WDR37: variants seen among roughly 807,000 people sequenced by gnomAD.
WDR37 encodes the protein WD repeat-containing protein 37.
A neutral mutation model predicts 62.9 loss-of-function variants in WDR37; 19 were observed. That is an observed-to-expected ratio of 0.30 (90% confidence interval 0.21 to 0.44). The LOEUF (loss-of-function observed/expected upper bound fraction) is 0.44, where lower values mean the gene tolerates loss of function less well. WDR37 is among the 20% of genes least tolerant of loss of function. The pLI, the probability that WDR37 is intolerant of heterozygous loss-of-function variation, is 1.00. For missense variants in WDR37, 474 were observed against 657.6 expected (o/e 0.72, Z 3.05); for synonymous variants, 250 against 260.9 (o/e 0.96, Z 0.40).
In WDR37 at chr10:1,064,248, A is replaced by G. The variant is rs142555833; in HGVS notation, c.-41+7280A>G. ...AAGATAGAACAATAGAAGTTACCCA[A>G]TCTGAACAGCAGAGAGAAAATAGAC... On this transcript the variant is annotated intron_variant, in intron 1 of 13. Transcript: ENST00000263150. Among the ~76,000 whole-genome samples the G allele has an allele frequency of 2.6e-3, 403 of 152,318 alleles. 5 individuals carry two copies. The highest frequency in any genetic ancestry group is 9.3e-3 in the African/African-American group (388 of 41,562).
At chr10:1,078,054 C>A in intron 3 of WDR37, 51 bp downstream of exon 3, 1 of 1,374,476 alleles carries the variant, frequency 7.3e-7, no homozygotes, top group South Asian at 1.3e-5. Context: ...TATCCATAGT[C>A]AAATTTATGA....
At position 1,106,258 on chromosome 10, in the gene WDR37, C is replaced by T. The variant is rs564086104; in HGVS notation, c.1103+991C>T. Among the ~76,000 whole-genome samples, 100 of 152,258 alleles carry T rather than the reference C, an allele frequency of 6.6e-4. 1 individual carries two copies. The highest frequency in any genetic ancestry group is 6.4e-3 in the Admixed American group (98 of 15,296). On this transcript the variant is annotated intron_variant, in intron 11 of 13. Transcript: ENST00000263150. The stretch of plus-strand genomic sequence containing the variant: ...TTCCCCGTTCCCCCATCATGCCCCA[C>T]TGTGGTCCACTGGCAAGTCTCCTGC...
rs1417710032 is a variant in WDR37, at chr10:1,130,518, G to T, written c.*1174G>T. ...ACTGCTGAGTGAGCCTGGTGTTCTT[G>T]CCTTCTTGGAAATTACTGCTCACCT... On this transcript the variant is annotated 3_prime_UTR_variant, in exon 14 of 14. Transcript: ENST00000263150. 3 of 152,658 alleles carry T rather than the reference G, an allele frequency of 2.0e-5. No homozygotes were observed. The highest frequency in any genetic ancestry group is 4.8e-5 in the African/African-American group (2 of 41,574). 9.5% of individuals were successfully genotyped at this position (152,658 alleles called of 1,614,324 possible). A position where few individuals can be genotyped will look rare whatever the true frequency, so the allele number is the denominator to read the frequency against.
At chr10:1,108,978 G>A (rs1377734329) in intron 11 of WDR37, among the ~76,000 whole-genome samples, 1 of 152,218 alleles carries the variant, frequency 6.6e-6, no homozygotes, top group African/African-American at 2.4e-5. Context: ...AGTGTGCCCT[G>A]CTGTGCCTGT....
intron 11 of WDR37, among the ~76,000 whole-genome samples, chr10:1,122,766 A>C (rs1323126155): frequency 6.6e-6 from 1 of 152,188 alleles, no homozygotes; most frequent in East Asian, 1.9e-4. Context: ...TCCTTTGATC[A>C]CTGGTTAAGG....
rs533887447 is a variant in WDR37, at chr10:1,068,998, T to G, written c.-40-3118T>G. ...GAAATGGCCAGAACAGGCAGATTCA[T>G]ATGGAGAGAAAGTAAATTAGTGGTT... On this transcript the variant is annotated intron_variant, in intron 1 of 13. Transcript: ENST00000263150. Among the ~76,000 whole-genome samples, 6 of 152,208 alleles carry G rather than the reference T, an allele frequency of 3.9e-5. No individual in the cohort carries two copies. In the South Asian group the frequency reaches 1.0e-3, roughly 26 times the overall value.
chr10:1,078,006 G>A lies in WDR37; in HGVS notation c.235+3G>A. On this transcript the variant is annotated splice_donor_region_variant and intron_variant, in intron 3 of 13. Transcript: ENST00000263150. ...CCTTTATATCGAAAACTTAGAATGT[G>A]AGTATCTCCTATTTTAATATACTTT... is the stretch of plus-strand genomic sequence containing the variant. The A allele has an allele frequency of 6.3e-7, 1 of 1,587,932 alleles. No homozygotes were observed. Among genetic ancestry groups the A allele is most frequent in the Non-Finnish European group, 8.6e-7 (1 of 1,161,024 alleles).
chr10:1,110,577 G>C (rs1018365109), intron 11 of WDR37, among the ~76,000 whole-genome samples: 1 of 152,212 alleles, frequency 6.6e-6, no homozygotes, highest in African/African-American at 2.4e-5. Flanking sequence ...GTGCGTCCGC[G>C]CCCCAGCACA....
chr10:1,066,329 G>T (rs915149912), intron 1 of WDR37, among the ~76,000 whole-genome samples: 1 of 152,292 alleles, frequency 6.6e-6, no homozygotes, highest in Non-Finnish European at 1.5e-5. Flanking sequence ...TGTTAGCTAG[G>T]ATGGTCTCGA....
intron 11 of WDR37, among the ~76,000 whole-genome samples, chr10:1,118,462 GT>G (rs1344060466): frequency 1.4e-4 from 21 of 145,494 alleles, no homozygotes; most frequent in Non-Finnish European, 6.0e-5. Context: ...AGCCAGCTCT[GT>G]TTGAAGTCCC....
intron 7 of WDR37, among the ~76,000 whole-genome samples, chr10:1,089,558 A>G (rs1834312727): frequency 6.6e-6 from 1 of 151,800 alleles, no homozygotes; most frequent in Admixed American, 6.6e-5. Flanking sequence ...TGTGTTTTTT[A>G]TTGGCTTTCC....
rs1834062514 is a variant in WDR37 at position 1,082,564 on chromosome 10, G to C, written c.397-1839G>C. On this transcript the variant is annotated intron_variant, in intron 5 of 13. Coordinates refer to ENST00000263150, the MANE Select transcript of WDR37 (RefSeq NM_014023.4). Reference sequence around the variant, plus strand: ...GGATGATGGGCGTGAGCGTCAGTTTGCGGCTTTGTTCTGCTGCTTTTCTGT... The same window carrying C: ...GGATGATGGGCGTGAGCGTCAGTTTCCGGCTTTGTTCTGCTGCTTTTCTGT... 2.6e-5 allele frequency among the ~76,000 whole-genome samples: 4 copies of C among 152,230 alleles called. No homozygotes were observed. In the South Asian group the frequency reaches 8.3e-4, roughly 31 times the overall value.
intron 13 of WDR37, among the ~76,000 whole-genome samples, chr10:1,126,730 C>T (rs1835796525): frequency 6.6e-6 from 1 of 152,186 alleles, no homozygotes; most frequent in South Asian, 2.1e-4. Flanking sequence ...GTCAGGGAGG[C>T]ACGTGCGAAA....
At chr10:1,113,434 A>G (rs768678409) in intron 11 of WDR37, among the ~76,000 whole-genome samples, 4 of 152,216 alleles carry the variant, frequency 2.6e-5, no homozygotes, top group Admixed American at 6.5e-5. Flanking sequence ...TCAAGGAGTC[A>G]TTTTGACTTT....
intron 9 of WDR37, among the ~76,000 whole-genome samples, chr10:1,101,396 C>T (rs796265017): frequency 2.0e-4 from 30 of 152,290 alleles, no homozygotes; most frequent in African/African-American, 6.7e-4. Context: ...GTGTCTGTGT[C>T]CTCATCTCTT....
chr10:1,095,270 C>T (rs1834537360), intron 8 of WDR37, among the ~76,000 whole-genome samples: 1 of 143,346 alleles, frequency 7.0e-6, no homozygotes, highest in Non-Finnish European at 1.5e-5. Flanking sequence ...GAGAGTTAGA[C>T]TTGGAAACTG....
intron 1 of WDR37, among the ~76,000 whole-genome samples, chr10:1,061,787 C>T (rs1259769241): frequency 1.3e-5 from 2 of 149,984 alleles, no homozygotes; most frequent in East Asian, 2.0e-4. Context: ...TGCAGTGAAC[C>T]GAGGTTAACA....
chr10:1,106,150 G>A (rs754296717), intron 11 of WDR37, among the ~76,000 whole-genome samples: 4 of 152,146 alleles, frequency 2.6e-5, no homozygotes, highest in Non-Finnish European at 5.9e-5. Context: ...GTCTGGCCCT[G>A]CTCAGTCAAT....
intron 4 of WDR37, 109 bp from the exon 5 acceptor site, chr10:1,080,303 G>A (rs1367696432): frequency 1.4e-5 from 20 of 1,445,402 alleles, no homozygotes; most frequent in South Asian, 8.6e-5. Context: ...AGGGTCAAAC[G>A]AGCCTTTCTG....
Sources: gnomAD v4.1 joint callset for allele counts (sites outside exome capture counted in the v4.1 genomes callset) on GRCh38, gnomAD v4.1.1 for gene constraint, MANE v1.5 for transcripts, NCBI Gene and HGNC (gene_info 2026-07-23, HGNC 2026-07-21) for gene names.